HSPA4: variants seen among roughly 807,000 people sequenced by gnomAD.
HSPA4 encodes the protein heat shock 70 kDa protein 4.
HSPA4 carries 25 observed loss-of-function variants against 106.2 expected under a neutral mutation model. The observed-to-expected ratio is 0.24, with a 90% CI of 0.17 to 0.33. The LOEUF (loss-of-function observed/expected upper bound fraction) is 0.33, where lower values mean the gene tolerates loss of function less well. HSPA4 is among the 10% of genes least tolerant of loss of function. The pLI is 1.00. For missense variants in HSPA4, 841 were observed against 996.0 expected (o/e 0.84, Z 2.10); for synonymous variants, 332 against 333.6 (o/e 1.00, Z 0.05).
In HSPA4 at chr5:133,105,669, TTGTTGGTAA is replaced by T. The variant is rs1765848197; in HGVS notation, c.*1238_*1246del. 6.6e-6 allele frequency: 1 copy of T among 152,184 alleles called. No homozygotes were observed. Among genetic ancestry groups the T allele is most frequent in the African/African-American group, 2.4e-5 (1 of 41,446 alleles). The allele number at this position is 152,184 out of a possible 1,614,324, so 9.4% of individuals were successfully genotyped here. A position where few individuals can be genotyped will look rare whatever the true frequency, so the allele number is the denominator to read the frequency against. ...CTGCTTTAAGAAACTGTTACAGGGC[TTGTTGGTAA>T]TGTTTTGAATCTTTGTAAAAATTGA... On this transcript the variant is annotated 3_prime_UTR_variant, in exon 19 of 19. Transcript: ENST00000304858.
chr5:133,101,117 A>G (rs999136397), intron 16 of HSPA4, among the ~76,000 whole-genome samples: 1 of 152,222 alleles, frequency 6.6e-6, no homozygotes, highest in Non-Finnish European at 1.5e-5. Context: ...AGCACATCTT[A>G]ATATCACTGT....
At chr5:133,072,395 T>G (rs1053031290) in intron 4 of HSPA4, among the ~76,000 whole-genome samples, 8 of 133,864 alleles carry the variant, frequency 6.0e-5, no homozygotes, top group African/African-American at 1.2e-4. Context: ...CAGGGTTGTT[T>G]TTTTTTTTTT....
rs61749631 is a variant in HSPA4 at position 133,101,807 on chromosome 5, C to T, written c.2086C>T (p.Pro696Ser). 8.3e-3 allele frequency: 13,313 copies of T among 1,607,578 alleles called. 57 individuals are homozygous for T. Among genetic ancestry groups the T allele is most frequent in the Non-Finnish European group, 0.01 (11,800 of 1,175,878 alleles). The part of the protein sequence containing the change: ...KIRFQESEER[P>S]KLFEELGKQI... ...ACGTTTCCAGGAATCTGAAGAACGA[C>T]CAAAATTATTTGAAGAACTAGGGAA... The change falls in exon 17 of 19, where the codon CCA becomes TCA. Residue 696 changes from proline to serine, a missense_variant. Around this residue, in one of 5 missense-constraint regions of HSPA4, gnomAD observed 328 missense variants for 372.2 expected, o/e 0.88. Coordinates refer to ENST00000304858, the MANE Select transcript of HSPA4 (RefSeq NM_002154.4).
At chr5:133,104,164 T>G in intron 18 of HSPA4, 69 bp from the exon 19 acceptor site, 1 of 1,523,608 alleles carries the variant, frequency 6.6e-7, no homozygotes, top group South Asian at 1.1e-5. Context: ...AGGGCGGATT[T>G]GGGTTTAGCA....
At chr5:133,054,783 C>T (rs993512275) in intron 1 of HSPA4, among the ~76,000 whole-genome samples, 7 of 152,020 alleles carry the variant, frequency 4.6e-5, no homozygotes, top group African/African-American at 1.7e-4. Flanking sequence ...TTGAGAATAT[C>T]TTTGTATCCG....
chr5:133,063,005 T>A (rs1418985315), intron 1 of HSPA4, among the ~76,000 whole-genome samples: 2 of 152,166 alleles, frequency 1.3e-5, no homozygotes, highest in African/African-American at 4.8e-5. Context: ...GAATTAGGAG[T>A]TCAGGGAGGA....
intron 11 of HSPA4, among the ~76,000 whole-genome samples, chr5:133,090,894 G>A (rs1765639328): frequency 2.0e-5 from 3 of 151,720 alleles, no homozygotes; most frequent in Admixed American, 6.6e-5. Flanking sequence ...ATCTGTTTTA[G>A]GAATTAATCT....
intron 7 of HSPA4, among the ~76,000 whole-genome samples, chr5:133,078,156 C>T (rs948690422): frequency 2.0e-5 from 3 of 151,252 alleles, no homozygotes; most frequent in African/African-American, 7.3e-5. Context: ...CATGGTGAAA[C>T]CCCGTCTCTA....
chr5:133,095,260 C>G (rs1765696311), intron 13 of HSPA4, among the ~76,000 whole-genome samples: 1 of 152,118 alleles, frequency 6.6e-6, no homozygotes, highest in Non-Finnish European at 1.5e-5. Context: ...TCAGATTGTG[C>G]CATTGCACTC....
chr5:133,084,787 G>A (rs1581475412), intron 7 of HSPA4, among the ~76,000 whole-genome samples: 1 of 151,862 alleles, frequency 6.6e-6, no homozygotes, highest in African/African-American at 2.4e-5. Context: ...CTTTTTTATT[G>A]AGATGTAATT....
intron 4 of HSPA4, among the ~76,000 whole-genome samples, chr5:133,070,916 A>T (rs1017423168): frequency 6.7e-6 from 1 of 150,014 alleles, no homozygotes; most frequent in Non-Finnish European, 1.5e-5. Context: ...GAAAAAAAAA[A>T]TTTATGAAAC....
intron 1 of HSPA4, among the ~76,000 whole-genome samples, chr5:133,060,210 T>C (rs918886287): frequency 6.6e-6 from 1 of 152,170 alleles, no homozygotes; most frequent in African/African-American, 2.4e-5. Flanking sequence ...GTCTGTTTTC[T>C]AATTTTCTAC....
intron 1 of HSPA4, among the ~76,000 whole-genome samples, chr5:133,063,810 G>A (rs1385822007): frequency 1.3e-5 from 2 of 151,808 alleles, no homozygotes; most frequent in African/African-American, 4.8e-5. Context: ...TTGCCAGGCT[G>A]GAGTGCAGTG....
chr5:133,063,964 G>C (rs1487481761), intron 1 of HSPA4, among the ~76,000 whole-genome samples: 1 of 151,856 alleles, frequency 6.6e-6, no homozygotes, highest in Non-Finnish European at 1.5e-5. Flanking sequence ...GTTTCACCAT[G>C]TTGGCCTGGC....
chr5:133,086,230 A>G (rs1344158315), intron 7 of HSPA4, among the ~76,000 whole-genome samples: 3 of 151,946 alleles, frequency 2.0e-5, no homozygotes, highest in African/African-American at 7.3e-5. Flanking sequence ...CAAACAAACA[A>G]AAAACAAACT....
intron 2 of HSPA4, among the ~76,000 whole-genome samples, chr5:133,065,594 C>G (rs1300782218): frequency 6.6e-6 from 1 of 152,190 alleles, no homozygotes; most frequent in African/African-American, 2.4e-5. Flanking sequence ...TTGTCCAGAT[C>G]TTGTTAAGCA....
chr5:133,074,538 A>G (rs1161299574), intron 6 of HSPA4, among the ~76,000 whole-genome samples: 1 of 152,182 alleles, frequency 6.6e-6, no homozygotes, highest in Admixed American at 6.5e-5. Flanking sequence ...TCGGCCTCCC[A>G]AAGTGCTGGC....
intron 1 of HSPA4, among the ~76,000 whole-genome samples, chr5:133,057,658 T>A (rs1765185078): frequency 6.6e-6 from 1 of 152,228 alleles, no homozygotes; most frequent in Admixed American, 6.5e-5. Flanking sequence ...ACAGTGATAT[T>A]GTCTGGCTGA....
chr5:133,076,086 T>C (rs890352489), intron 6 of HSPA4: 1 of 152,766 alleles, frequency 6.5e-6, no homozygotes, highest in East Asian at 1.9e-4. Flanking sequence ...TATTACTGAA[T>C]CTAATTAGAT....
Sources: allele counts gnomAD v4.1 joint callset (sites outside exome capture counted in the v4.1 genomes callset), GRCh38; gene constraint gnomAD v4.1.1; regional missense constraint gnomAD v4.1.1; transcripts MANE v1.5; gene names NCBI Gene and HGNC (gene_info 2026-07-23, HGNC 2026-07-21).